The following TLL1 variants were observed in gnomAD, a reference collection of about 807,000 sequenced individuals.
The protein encoded by TLL1 is tolloid like 1.
TLL1 carries 49 observed loss-of-function variants against 128.2 expected under a neutral mutation model. The ratio of observed to expected loss-of-function variants is 0.38; its 90% CI spans 0.30 to 0.48. The LOEUF (loss-of-function observed/expected upper bound fraction) is 0.48. Among genes scored for constraint, TLL1 ranks in the 20% least tolerant of loss-of-function variants. The probability of loss-of-function intolerance (pLI) is 0.96; values close to 1 mark genes in which losing one functional copy is unlikely to be tolerated. For synonymous variants in TLL1, 454 were observed against 418.8 expected, an observed-to-expected ratio of 1.08 and a Z score of -1.03; for missense variants, 1,123 against 1,242.0, an observed-to-expected ratio of 0.90 and a Z score of 1.44.
chr4:166,065,793 CA>C lies in TLL1; in HGVS notation c.2120del (p.Asn707IlefsTer2). 1 of 1,612,946 alleles carries C rather than the reference CA, an allele frequency of 6.2e-7. No homozygotes were observed. The highest frequency in any genetic ancestry group is 2.2e-5 in the East Asian group (1 of 44,808). On this transcript the variant is annotated frameshift_variant, in exon 16 of 21. Transcript: ENST00000061240. LOFTEE classifies it high-confidence loss of function. ...VPEVITSQFN[N>X]MRIEFKSDNT... ...CTGAAGTGATCACATCCCAGTTCAA[CA>C]ATATGAGAATTGAATTCAAATCTGA...
rs763377524 is a variant in TLL1 at position 166,057,140 on chromosome 4, C to CAT, written c.1721-37_1721-36dup. On this transcript the variant is annotated intron_variant, in intron 13 of 20. Coordinates refer to ENST00000061240, the MANE Select transcript of TLL1 (RefSeq NM_012464.5). ...CCAAACCATTTCACATACATACACA[C>CAT]ATATATATGTATAGTTGTTCTATAA... is the stretch of plus-strand genomic sequence containing the variant. 3.7e-6 allele frequency: 6 copies of CAT among 1,606,172 alleles called. No individual in the cohort carries two copies. The South Asian group carries it at 6.6e-5, about 18-fold the overall frequency.
intron 14 of TLL1, among the ~76,000 whole-genome samples, chr4:166,059,629 C>T (rs1394707489): frequency 2.6e-5 from 4 of 152,026 alleles, no homozygotes; most frequent in Non-Finnish European, 4.4e-5. Flanking sequence ...AATCTCCTAA[C>T]ACCCTTCTCA....
chr4:166,084,142 T>A (rs1236590043), intron 18 of TLL1, among the ~76,000 whole-genome samples: 1 of 152,212 alleles, frequency 6.6e-6, no homozygotes, highest in Non-Finnish European at 1.5e-5. Flanking sequence ...TGGTTAGTGA[T>A]GTTGAGCATT....
chr4:165,999,515 C>A (rs1737048916), intron 5 of TLL1, among the ~76,000 whole-genome samples: 1 of 152,088 alleles, frequency 6.6e-6, no homozygotes, highest in African/African-American at 2.4e-5. Context: ...GGGAGACCAC[C>A]CCCCTGATCC....
At chr4:165,925,719 A>G (rs1297150268) in intron 1 of TLL1, among the ~76,000 whole-genome samples, 1 of 152,236 alleles carries the variant, frequency 6.6e-6, no homozygotes, top group Admixed American at 6.5e-5. Context: ...CAAACAGAAT[A>G]GCATGATACA....
At chr4:165,943,649 A>G (rs1734119091) in intron 1 of TLL1, among the ~76,000 whole-genome samples, 1 of 151,814 alleles carries the variant, frequency 6.6e-6, no homozygotes. Context: ...TCGTCTTCCT[A>G]AGCCACATTT....
At chr4:166,030,725 G>T in intron 9 of TLL1, 1 of 1,178,016 alleles carries the variant, frequency 8.5e-7, no homozygotes, top group Non-Finnish European at 1.0e-6. Context: ...AACACCATTT[G>T]TTAAAGATTT....
intron 18 of TLL1, among the ~76,000 whole-genome samples, chr4:166,088,838 T>A (rs1741638044): frequency 6.6e-6 from 1 of 152,106 alleles, no homozygotes; most frequent in South Asian, 2.1e-4. Context: ...CTCCGTTCTG[T>A]TAAGCAGATG....
intron 1 of TLL1, among the ~76,000 whole-genome samples, chr4:165,977,477 C>A (rs894128827): frequency 6.6e-6 from 1 of 152,058 alleles, no homozygotes; most frequent in South Asian, 2.1e-4. Context: ...TATAAATTAC[C>A]CAGTCATGAA....
intron 8 of TLL1, among the ~76,000 whole-genome samples, chr4:166,022,136 T>C (rs955371019): frequency 1.3e-5 from 2 of 152,154 alleles, no homozygotes; most frequent in African/African-American, 4.8e-5. Context: ...CAACATCTTT[T>C]TATTTCTTTC....
chr4:165,933,337 GGTTCTCTCTGGCCTCCCCT>G (rs1733614678), intron 1 of TLL1, among the ~76,000 whole-genome samples: 1 of 152,022 alleles, frequency 6.6e-6, no homozygotes, highest in Non-Finnish European at 1.5e-5. Flanking sequence ...TTGTTCCCCA[GGTTCTCTCTGGCCTCCCCT>G]GGGAGGCAAT....
intron 12 of TLL1, among the ~76,000 whole-genome samples, chr4:166,047,371 A>G (rs999040334): frequency 2.6e-4 from 39 of 151,596 alleles, no homozygotes; most frequent in Admixed American, 1.3e-3. Context: ...TCACCATGTT[A>G]GCCAGGATGG....
At chr4:165,962,140 C>T (rs11932361) in intron 1 of TLL1, among the ~76,000 whole-genome samples, 93,560 of 151,978 alleles carry the variant, frequency 0.62, 30,010 homozygotes, top group Admixed American at 0.73. Context: ...AAACAAGAAG[C>T]TTATGGAGTG....
rs1474023574 is a variant in TLL1 at position 166,019,559 on chromosome 4, T to G, written c.1042+4999T>G. ...ATTAGGGCATTTTATGGCACTGTTT[T>G]GTAGAGGTTAATCTTGAAAAAAATA... On this transcript the variant is annotated intron_variant, in intron 8 of 20. Coordinates refer to ENST00000061240, the MANE Select transcript of TLL1 (RefSeq NM_012464.5). 6.6e-5 allele frequency among the ~76,000 whole-genome samples: 10 copies of G among 152,176 alleles called. 1 individual carries two copies.
At chr4:165,897,662 CTTTTTTT>C (rs951819686) in intron 1 of TLL1, among the ~76,000 whole-genome samples, 7 of 47,518 alleles carry the variant, frequency 1.5e-4, no homozygotes, top group Non-Finnish European at 2.1e-4. Context: ...GGTAGTCCAG[CTTTTTTT>C]TTTTTTTTTT....
At chr4:166,020,041 A>G (rs1013388585) in intron 8 of TLL1, among the ~76,000 whole-genome samples, 1 of 152,022 alleles carries the variant, frequency 6.6e-6, no homozygotes. Flanking sequence ...GAGACAGGAG[A>G]GTAGTCTTTT....
intron 11 of TLL1, among the ~76,000 whole-genome samples, chr4:166,042,543 G>A (rs931439337): frequency 9.2e-5 from 14 of 152,150 alleles, no homozygotes; most frequent in African/African-American, 2.9e-4. Flanking sequence ...TAATTGTGCC[G>A]ATTTCTGAGG....
chr4:166,093,588 T>A (rs1270174854), intron 19 of TLL1, among the ~76,000 whole-genome samples: 1 of 152,158 alleles, frequency 6.6e-6, no homozygotes, highest in African/African-American at 2.4e-5. Flanking sequence ...CTTTCCTCTA[T>A]CTGAACTGCA....
Position 166,003,564 on chromosome 4 carries a change from A to T in TLL1, c.806A>T (p.Gln269Leu). ...GTAACTATCATAAGAGAAAACATCC[A>T]GCCAGGTGAGAGGCATAGAATGTGT... is the stretch of plus-strand genomic sequence containing the variant. ...NHVTIIRENI[Q>L]PGQEYNFLKM... The change falls in exon 6 of 21, where the codon CAG becomes CTG. Residue 269 changes from glutamine (Q) to leucine (L), a missense_variant. This residue lies in a region of TLL1 where 480 missense variants were observed against 542.4 expected (regional missense o/e 0.89). Coordinates refer to ENST00000061240, the MANE Select transcript of TLL1 (RefSeq NM_012464.5). 6.2e-7 allele frequency: 1 copy of T among 1,613,928 alleles called. No homozygotes were observed.
Sources: allele counts gnomAD v4.1 joint callset (sites outside exome capture counted in the v4.1 genomes callset), GRCh38; gene constraint gnomAD v4.1.1; regional missense constraint gnomAD v4.1.1; transcripts MANE v1.5; gene names NCBI Gene and HGNC (gene_info 2026-07-23, HGNC 2026-07-21).